Variants in ZNF804B observed in about 807,000 individuals in gnomAD.
The protein encoded by ZNF804B is zinc finger 804B.
ZNF804B carries 80 observed loss-of-function variants against 101.4 expected under a neutral mutation model. That is an observed-to-expected ratio of 0.79 (90% CI 0.66 to 0.95). The LOEUF (loss-of-function observed/expected upper bound fraction) is 0.95, where lower values mean the gene tolerates loss of function less well. Ranked by LOEUF, ZNF804B falls within the 40% of genes least tolerant of loss-of-function variation. The pLI, the probability that ZNF804B is intolerant of heterozygous loss-of-function variation, is 0.00. For synonymous variants in ZNF804B, 622 were observed against 558.8 expected (o/e 1.11, Z -1.59); for missense variants, 1,673 against 1,561.9 (o/e 1.07, Z -1.20).
At chr7:88,898,332 C>A (rs369339599) in intron 1 of ZNF804B, among the ~76,000 whole-genome samples, 1 of 151,930 alleles carries the variant, frequency 6.6e-6, no homozygotes, top group Non-Finnish European at 1.5e-5. Context: ...GTGATCCACC[C>A]GCCTCGGCCT....
intron 2 of ZNF804B, among the ~76,000 whole-genome samples, chr7:89,236,067 G>A (rs1488095229): frequency 6.6e-6 from 1 of 152,064 alleles, no homozygotes; most frequent in East Asian, 1.9e-4. Flanking sequence ...CTTAGTAGGT[G>A]TAATAATATT....
chr7:88,956,222 T>G (rs1302526003), intron 1 of ZNF804B, among the ~76,000 whole-genome samples: 1 of 151,514 alleles, frequency 6.6e-6, no homozygotes, highest in African/African-American at 2.4e-5. Context: ...GATCCAGCAA[T>G]CCCAGCATTA....
intron 1 of ZNF804B, among the ~76,000 whole-genome samples, chr7:89,157,260 T>C (rs562690157): frequency 6.6e-6 from 1 of 152,328 alleles, no homozygotes; most frequent in East Asian, 1.9e-4. Flanking sequence ...ATCTGAAATA[T>C]AAATTAATTA....
chr7:89,233,717 C>T (rs1789234344), intron 2 of ZNF804B, among the ~76,000 whole-genome samples: 1 of 152,032 alleles, frequency 6.6e-6, no homozygotes, highest in Non-Finnish European at 1.5e-5. Context: ...TGGCTCACTG[C>T]ACCCTCTGCC....
intron 1 of ZNF804B, among the ~76,000 whole-genome samples, chr7:88,874,184 A>G (rs1791885796): frequency 6.6e-6 from 1 of 152,104 alleles, no homozygotes; most frequent in Non-Finnish European, 1.5e-5. Context: ...GAGGTCCTTC[A>G]CATCCCTTGT....
At chr7:88,860,457 C>A (rs1791629134) in intron 1 of ZNF804B, among the ~76,000 whole-genome samples, 1 of 151,992 alleles carries the variant, frequency 6.6e-6, no homozygotes, top group African/African-American at 2.4e-5. Context: ...TGGTGGGTAG[C>A]AAAATTATGC....
chr7:89,197,752 T>C (rs1443126664), intron 1 of ZNF804B, among the ~76,000 whole-genome samples: 1 of 151,880 alleles, frequency 6.6e-6, no homozygotes, highest in African/African-American at 2.4e-5. Context: ...TATAATAGTA[T>C]ATGCACAGGT....
chr7:88,793,467 A>G (rs1389000854), intron 1 of ZNF804B, among the ~76,000 whole-genome samples: 1 of 152,106 alleles, frequency 6.6e-6, no homozygotes, highest in Admixed American at 6.6e-5. Flanking sequence ...GAGTAGCACA[A>G]TGCCACCTGA....
chr7:89,162,686 G>A (rs1426588196), intron 1 of ZNF804B, among the ~76,000 whole-genome samples: 1 of 148,832 alleles, frequency 6.7e-6, no homozygotes, highest in Non-Finnish European at 1.5e-5. Context: ...TAAGTTTTAG[G>A]GTACATGTGC....
chr7:89,274,210 G>A (rs1442041933), intron 2 of ZNF804B, among the ~76,000 whole-genome samples: 1 of 140,258 alleles, frequency 7.1e-6, no homozygotes, highest in Non-Finnish European at 1.5e-5. Flanking sequence ...TGCACATTGT[G>A]CAGGTTAGTT....
chr7:89,182,430 G>C (rs1360840630), intron 1 of ZNF804B, among the ~76,000 whole-genome samples: 1 of 152,120 alleles, frequency 6.6e-6, no homozygotes, highest in Non-Finnish European at 1.5e-5. Flanking sequence ...TGTAGCTACT[G>C]TCCTTGATAA....
rs576603399 is a variant in ZNF804B at position 89,004,346 on chromosome 7, A to C, written c.109-213809A>C. ...CTTTGTAAACTTTGGAATCTCATGA[A>C]TAATTTAGTTATTCATATAAAGTAT... On this transcript the variant is annotated intron_variant, in intron 1 of 3. Coordinates refer to ENST00000333190, the MANE Select transcript of ZNF804B (RefSeq NM_181646.5). Among the ~76,000 whole-genome samples, 42 of 151,996 alleles carry C rather than the reference A, an allele frequency of 2.8e-4. 1 individual carries two copies. The South Asian group carries it at 7.9e-3, about 29-fold the overall frequency.
intron 1 of ZNF804B, among the ~76,000 whole-genome samples, chr7:88,809,429 A>G (rs1412577420): frequency 6.6e-6 from 1 of 152,004 alleles, no homozygotes; most frequent in Non-Finnish European, 1.5e-5. Flanking sequence ...CTACCTACCT[A>G]TCTACCTTCC....
Position 89,241,227 on chromosome 7 carries a change from T to C in ZNF804B, c.249+22932T>C, listed in dbSNP as rs75709167. On this transcript the variant is annotated intron_variant, in intron 2 of 3. Coordinates refer to ENST00000333190, the MANE Select transcript of ZNF804B (RefSeq NM_181646.5). ...AAATAACCCTACTGAATATAAACAT[T>C]CCATTCCCTTTATAAACAGGAGAAT... Among the ~76,000 whole-genome samples the C allele has an allele frequency of 4.7e-4, 71 of 152,226 alleles. 1 individual carries two copies. The East Asian group carries it at 0.014, about 29-fold the overall frequency.
chr7:89,329,197 G>T (rs945704604), intron 3 of ZNF804B, among the ~76,000 whole-genome samples: 4 of 151,614 alleles, frequency 2.6e-5, no homozygotes, highest in African/African-American at 9.7e-5. Flanking sequence ...GTCACAATGT[G>T]CCCGTATTGT....
chr7:88,834,127 G>A (rs1791173899), intron 1 of ZNF804B, among the ~76,000 whole-genome samples: 1 of 151,756 alleles, frequency 6.6e-6, no homozygotes, highest in South Asian at 2.1e-4. Flanking sequence ...TAGAACTCCA[G>A]AAATTAAAGT....
chr7:88,991,158 A>G (rs763170325), intron 1 of ZNF804B, among the ~76,000 whole-genome samples: 1 of 152,138 alleles, frequency 6.6e-6, no homozygotes, highest in Non-Finnish European at 1.5e-5. Flanking sequence ...TTTTGAAGCT[A>G]TTTAACACTG....
At chr7:89,219,950 T>TAC (rs1214993612) in intron 2 of ZNF804B, among the ~76,000 whole-genome samples, 6 of 144,822 alleles carry the variant, frequency 4.1e-5, no homozygotes, top group African/African-American at 1.0e-4. Flanking sequence ...TATATGTATA[T>TAC]ACATATATGT....
At chr7:88,948,201 G>A (rs1179111580) in intron 1 of ZNF804B, among the ~76,000 whole-genome samples, 1 of 151,506 alleles carries the variant, frequency 6.6e-6, no homozygotes, top group Non-Finnish European at 1.5e-5. Context: ...AACATGCCTG[G>A]GTATTACTGG....
Sources: allele counts gnomAD v4.1 joint callset (sites outside exome capture counted in the v4.1 genomes callset), GRCh38; gene constraint gnomAD v4.1.1; transcripts MANE v1.5; gene names NCBI Gene and HGNC (gene_info 2026-07-23, HGNC 2026-07-21).